Variants in RGS6 observed in about 807,000 individuals in gnomAD.
RGS6 encodes regulator of G protein signaling 6, also known as regulator of G-protein signaling 6.
RGS6 carries 30 observed loss-of-function variants against 78.5 expected under a neutral mutation model. The ratio of observed to expected loss-of-function variants is 0.38; its 90% CI spans 0.29 to 0.52. RGS6 has a LOEUF of 0.52. Ranked by LOEUF, RGS6 falls within the 20% of genes least tolerant of loss-of-function variation. RGS6 has a pLI of 0.85. For missense variants in RGS6, 495 were observed against 609.7 expected (o/e 0.81, Z 1.98); for synonymous variants, 206 against 206.0 (o/e 1.00, Z 0.00).
the RGS6 span, among the ~76,000 whole-genome samples, chr14:72,596,379 T>A: frequency 1.3e-5 from 2 of 152,330 alleles, no homozygotes; most frequent in South Asian, 4.1e-4. Flanking sequence ...TCCAGGTTAA[T>A]CTTCCTATCT....
intron 2 of RGS6, among the ~76,000 whole-genome samples, chr14:72,263,620 G>T (rs1333749280): frequency 6.6e-6 from 1 of 152,222 alleles, no homozygotes; most frequent in East Asian, 1.9e-4. Flanking sequence ...GGGCCCTCAT[G>T]ATTGGGATTA....
chr14:72,003,035 A>G (rs1039071925), intron 2 of RGS6, among the ~76,000 whole-genome samples: 1 of 152,224 alleles, frequency 6.6e-6, no homozygotes, highest in African/African-American at 2.4e-5. Flanking sequence ...ATCCTGAATT[A>G]CTGCTGACTG....
intron 2 of RGS6, among the ~76,000 whole-genome samples, chr14:72,199,231 A>G (rs575491748): frequency 1.3e-5 from 2 of 152,250 alleles, no homozygotes; most frequent in Non-Finnish European, 2.9e-5. Flanking sequence ...TTGTTTTTAC[A>G]TTATAAACAG....
intron 2 of RGS6, among the ~76,000 whole-genome samples, chr14:72,302,685 C>T (rs1479920741): frequency 3.3e-5 from 5 of 151,414 alleles, no homozygotes; most frequent in East Asian, 1.9e-4. Context: ...TACACATACA[C>T]ACACACACAC....
At chr14:71,942,459 G>T (rs1376814619) in intron 1 of RGS6, among the ~76,000 whole-genome samples, 1 of 151,670 alleles carries the variant, frequency 6.6e-6, no homozygotes, top group East Asian at 1.9e-4. Context: ...CTCCCACCAA[G>T]AAAAAAGGCT....
the RGS6 span, among the ~76,000 whole-genome samples, chr14:71,871,318 GA>G: frequency 6.6e-6 from 1 of 152,150 alleles, no homozygotes; most frequent in Non-Finnish European, 1.5e-5. Context: ...ACAAAAAATA[GA>G]GGCCAACAGA....
chr14:71,913,464 CAG>C, the RGS6 span, among the ~76,000 whole-genome samples: 1 of 152,298 alleles, frequency 6.6e-6, no homozygotes, highest in African/African-American at 2.4e-5. Flanking sequence ...CTTAGGTTAA[CAG>C]AGGAAAGTGG....
At chr14:72,470,420 G>A (rs2096042080) in intron 8 of RGS6, among the ~76,000 whole-genome samples, 2 of 152,216 alleles carry the variant, frequency 1.3e-5, no homozygotes, top group South Asian at 2.1e-4. Context: ...CCGTTGGACT[G>A]GAGATTTTGT....
chr14:71,941,810 A>G (rs942333156), intron 1 of RGS6, among the ~76,000 whole-genome samples: 5 of 152,218 alleles, frequency 3.3e-5, no homozygotes, highest in African/African-American at 1.2e-4. Context: ...ACCCACACAG[A>G]CACACCCAGG....
intron 2 of RGS6, among the ~76,000 whole-genome samples, chr14:72,250,884 G>A (rs1481369991): frequency 6.6e-6 from 1 of 152,134 alleles, no homozygotes; most frequent in African/African-American, 2.4e-5. Flanking sequence ...CCCCTCTGAA[G>A]GTTCAAGTCT....
chr14:72,385,004 C>A (rs559349792), intron 3 of RGS6, among the ~76,000 whole-genome samples: 2 of 152,258 alleles, frequency 1.3e-5, no homozygotes, highest in Non-Finnish European at 2.9e-5. Context: ...CCCATCTCAG[C>A]CTCCCAAAGT....
chr14:72,202,548 T>A (rs967883289), intron 2 of RGS6, among the ~76,000 whole-genome samples: 1 of 152,118 alleles, frequency 6.6e-6, no homozygotes, highest in Non-Finnish European at 1.5e-5. Context: ...ATATAACATT[T>A]AAAAATATCT....
intron 2 of RGS6, among the ~76,000 whole-genome samples, chr14:72,263,260 A>G (rs570113962): frequency 3.0e-4 from 46 of 152,202 alleles, no homozygotes; most frequent in Admixed American, 8.5e-4. Flanking sequence ...AAATTAGTTC[A>G]TCTTTATATG....
the RGS6 span, among the ~76,000 whole-genome samples, chr14:71,893,340 T>C: frequency 6.6e-6 from 1 of 152,244 alleles, no homozygotes; most frequent in African/African-American, 2.4e-5. Flanking sequence ...ATAAACAGGA[T>C]ATAAGGATTC....
the RGS6 span, among the ~76,000 whole-genome samples, chr14:71,909,261 T>A: frequency 1.3e-5 from 2 of 152,168 alleles, no homozygotes; most frequent in Admixed American, 1.3e-4. Flanking sequence ...AACTCAATTC[T>A]TTTACTGTGC....
intron 2 of RGS6, among the ~76,000 whole-genome samples, chr14:72,314,187 G>A (rs1047764831): frequency 2.0e-5 from 3 of 152,142 alleles, no homozygotes; most frequent in African/African-American, 7.2e-5. Flanking sequence ...TGTGTTCGGG[G>A]TTGGAAGTTG....
At chr14:72,550,473 G>T (rs1430491764) in intron 17 of RGS6, 1 of 1,535,572 alleles carries the variant, frequency 6.5e-7, no homozygotes, top group Non-Finnish European at 8.7e-7. Flanking sequence ...AGACTGTCAA[G>T]CAAGGACCGA....
intron 2 of RGS6, among the ~76,000 whole-genome samples, chr14:72,283,037 C>T (rs1296013394): frequency 6.6e-6 from 1 of 152,220 alleles, no homozygotes; most frequent in Non-Finnish European, 1.5e-5. Flanking sequence ...ATTTGTCCTT[C>T]TGTGACTGGC....
At position 72,157,191 on chromosome 14, in the gene RGS6, T is replaced by C. The variant is rs982599137; in HGVS notation, c.84+192316T>C. 1.7e-4 allele frequency among the ~76,000 whole-genome samples: 26 copies of C among 152,164 alleles called. 1 individual carries two copies. Among genetic ancestry groups the C allele is most frequent in the Admixed American group, 1.2e-3 (19 of 15,276 alleles). ...TTAGAGAAAAATAACATTTGAACAT[T>C]GTGCCTCAGCAGGAAAGAAGATGCA... On this transcript the variant is annotated intron_variant, in intron 2 of 17. Transcript: ENST00000553525.
Sources: gnomAD v4.1 joint callset for allele counts (sites outside exome capture counted in the v4.1 genomes callset) on GRCh38, gnomAD v4.1.1 for gene constraint, MANE v1.5 for transcripts, NCBI Gene and HGNC (gene_info 2026-07-23, HGNC 2026-07-21) for gene names.